MYLK4: variants seen among roughly 807,000 people sequenced by gnomAD.
MYLK4 encodes the protein myosin light chain kinase family member 4, also known as caMLCK like.
In MYLK4, 46 loss-of-function variants were observed where a neutral mutation model predicts 48.1. The observed-to-expected ratio is 0.96, with a 90% CI of 0.75 to 1.22. The LOEUF is 1.22. Among genes scored for constraint, MYLK4 ranks in the 50% most tolerant of loss-of-function variants. The pLI is 0.00. For missense variants in MYLK4, 451 were observed against 486.1 expected, an observed-to-expected ratio of 0.93 and a Z score of 0.68; for synonymous variants, 170 against 180.8, an observed-to-expected ratio of 0.94 and a Z score of 0.48.
intron 2 of MYLK4, among the ~76,000 whole-genome samples, chr6:2,715,137 G>C (rs189769496): frequency 6.6e-6 from 1 of 152,028 alleles, no homozygotes; most frequent in South Asian, 2.1e-4. Flanking sequence ...GGTGGCAGGC[G>C]CCTGTGATCC....
chr6:2,761,079 C>T, the MYLK4 span, among the ~76,000 whole-genome samples: 2 of 152,142 alleles, frequency 1.3e-5, no homozygotes, highest in African/African-American at 4.8e-5. Context: ...CAAAGGTTCA[C>T]TAGTAGTAGA....
chr6:2,763,639 C>A, the MYLK4 span, among the ~76,000 whole-genome samples: 1 of 152,250 alleles, frequency 6.6e-6, no homozygotes, highest in Non-Finnish European at 1.5e-5. Context: ...GGTTCCCGCC[C>A]GCGCCTCTCC....
At position 2,685,225 on chromosome 6, in the gene MYLK4, A is replaced by T; in HGVS notation, c.545+71T>A. On this transcript the variant is annotated intron_variant, in intron 6 of 12. Transcript: ENST00000274643. The surrounding 1 kb of genome is among the most constrained non-coding windows in gnomAD (Gnocchi z 4.5). ...TTCTGGTCCCGCTACAGCAGGACGG[A>T]GCTACTGAGGCACGGTCACGGTCAT... 14 of 1,121,882 alleles carry T rather than the reference A, an allele frequency of 1.2e-5. No individual in the cohort carries two copies. In the South Asian group the frequency reaches 1.6e-4, roughly 13 times the overall value. The allele number at this position is 1,121,882 out of a possible 1,614,324, so 69.5% of individuals were successfully genotyped here. A position where few individuals can be genotyped will look rare whatever the true frequency, so the allele number is the denominator to read the frequency against.
chr6:2,739,437 C>T (rs947586418), intron 2 of MYLK4, among the ~76,000 whole-genome samples: 1 of 152,186 alleles, frequency 6.6e-6, no homozygotes, highest in African/African-American at 2.4e-5. Flanking sequence ...AGCTGACCCC[C>T]GAAGTTCCTA....
intron 2 of MYLK4, among the ~76,000 whole-genome samples, chr6:2,724,350 G>A (rs572786823): frequency 2.6e-5 from 4 of 152,146 alleles, no homozygotes; most frequent in Non-Finnish European, 4.4e-5. Context: ...CTGGATAGGG[G>A]CACATTAAGA....
intron 11 of MYLK4, among the ~76,000 whole-genome samples, chr6:2,671,665 C>T (rs1252167140): frequency 6.6e-6 from 1 of 152,234 alleles, no homozygotes; most frequent in African/African-American, 2.4e-5. Flanking sequence ...CACAAGAATG[C>T]TCTATCACTT....
At chr6:2,766,551 C>T in the MYLK4 span, 2 of 1,413,908 alleles carry the variant, frequency 1.4e-6, no homozygotes, top group Non-Finnish European at 1.9e-6. Flanking sequence ...GCCTGCCTCT[C>T]CTGGATAAGG....
chr6:2,770,246 C>A, the MYLK4 span: 2 of 1,614,196 alleles, frequency 1.2e-6, no homozygotes, highest in South Asian at 2.2e-5. Context: ...TGAGAAGCTT[C>A]CAGTAGAGGC....
At chr6:2,762,938 CA>C in the MYLK4 span, among the ~76,000 whole-genome samples, 3 of 152,190 alleles carry the variant, frequency 2.0e-5, no homozygotes, top group Non-Finnish European at 4.4e-5. Context: ...CTCATTAAGA[CA>C]ATTCAGACCC....
At chr6:2,696,108 A>C (rs957805868) in intron 2 of MYLK4, among the ~76,000 whole-genome samples, 3 of 152,190 alleles carry the variant, frequency 2.0e-5, no homozygotes, top group African/African-American at 7.2e-5. Context: ...CTTTTATAAT[A>C]ATTTATCAGT....
At chr6:2,743,342 C>T (rs1272202555) in intron 2 of MYLK4, among the ~76,000 whole-genome samples, 1 of 152,212 alleles carries the variant, frequency 6.6e-6, no homozygotes, top group Non-Finnish European at 1.5e-5. Context: ...AATGAATACC[C>T]TCTCTTGAAA....
the MYLK4 span, chr6:2,768,826 A>G: frequency 6.2e-7 from 1 of 1,613,884 alleles, no homozygotes; most frequent in Non-Finnish European, 8.5e-7. Context: ...GAGCTTTTTC[A>G]AAAGGAAAAC....
intron 9 of MYLK4, 57 bp downstream of exon 9, chr6:2,679,223 C>T (rs765320303): frequency 3.4e-5 from 54 of 1,603,666 alleles, no homozygotes; most frequent in Non-Finnish European, 4.4e-5. Flanking sequence ...AACGGCAAAA[C>T]CTCAGAAAAT....
intron 2 of MYLK4, among the ~76,000 whole-genome samples, chr6:2,732,260 C>T (rs572985591): frequency 2.1e-3 from 319 of 152,256 alleles, no homozygotes; most frequent in Non-Finnish European, 3.5e-3. Flanking sequence ...AGGCACAGTC[C>T]AAGCCTTTTA....
chr6:2,679,415 T>A lies in MYLK4; in HGVS notation c.759-7A>T. 6.2e-7 allele frequency: 1 copy of A among 1,614,142 alleles called. No individual in the cohort carries two copies. The highest frequency in any genetic ancestry group is 8.5e-7 in the Non-Finnish European group (1 of 1,180,014). Reference sequence around the variant, plus strand: ...CTTCTCTCTGGGTTTGTATCTGCAATTTAAGAGACAAAGTGGAAGGATGGA... The same window carrying A: ...CTTCTCTCTGGGTTTGTATCTGCAAATTAAGAGACAAAGTGGAAGGATGGA... On this transcript the variant is annotated splice_polypyrimidine_tract_variant and splice_region_variant and intron_variant, in intron 8 of 12. Coordinates refer to ENST00000274643, the MANE Select transcript of MYLK4 (RefSeq NM_001012418.5).
chr6:2,705,063 C>G (rs1762436832), intron 2 of MYLK4, among the ~76,000 whole-genome samples: 1 of 152,216 alleles, frequency 6.6e-6, no homozygotes, highest in Non-Finnish European at 1.5e-5. Context: ...AATCTGTCTT[C>G]TGTTGTGATT....
At chr6:2,721,089 G>A (rs6930470) in intron 2 of MYLK4, among the ~76,000 whole-genome samples, 129,745 of 152,130 alleles carry the variant, frequency 0.85, 55,415 homozygotes, top group Admixed American at 0.89. Flanking sequence ...TGAACTTGGG[G>A]GGCAGAGGTT....
intron 2 of MYLK4, among the ~76,000 whole-genome samples, chr6:2,710,064 A>G (rs1225997477): frequency 6.6e-6 from 1 of 152,248 alleles, no homozygotes; most frequent in Non-Finnish European, 1.5e-5. Context: ...AATAAAACAT[A>G]AATAAAACCC....
intron 2 of MYLK4, among the ~76,000 whole-genome samples, chr6:2,736,783 T>C (rs1255839218): frequency 6.6e-6 from 1 of 152,202 alleles, no homozygotes; most frequent in Admixed American, 6.5e-5. Flanking sequence ...GCTAGGTAAG[T>C]CAGGTCTGGT....
Sources: allele counts gnomAD v4.1 joint callset (sites outside exome capture counted in the v4.1 genomes callset), GRCh38; gene constraint gnomAD v4.1.1; non-coding constraint Gnocchi (gnomAD v3.1); transcripts MANE v1.5; gene names NCBI Gene and HGNC (gene_info 2026-07-23, HGNC 2026-07-21).